GNAS: variants seen among roughly 807,000 people sequenced by gnomAD.
The protein encoded by GNAS is protein ALEX.
A neutral mutation model predicts 54.5 loss-of-function variants in GNAS; 8 were observed. The observed-to-expected ratio is 0.15, with a 90% CI of 0.09 to 0.26. The LOEUF (loss-of-function observed/expected upper bound fraction) is 0.26. GNAS is among the 10% of genes least tolerant of loss of function. The pLI is 1.00. For missense variants in GNAS, 170 were observed against 529.8 expected (o/e 0.32, Z 6.67); for synonymous variants, 204 against 191.4 (o/e 1.07, Z -0.54).
chr20:58,848,264 C>T (rs931434503), intron 1 of GNAS, among the ~76,000 whole-genome samples: 4 of 152,158 alleles, frequency 2.6e-5, no homozygotes, highest in Non-Finnish European at 5.9e-5. Flanking sequence ...CCTGTCCTCC[C>T]CTACTTGACA....
chr20:58,884,211 T>G (rs983770205), intron 1 of GNAS, among the ~76,000 whole-genome samples: 4 of 152,214 alleles, frequency 2.6e-5, no homozygotes, highest in African/African-American at 9.7e-5. Flanking sequence ...TCTGAAGATG[T>G]AAAACTTCTA....
intron 3 of GNAS, among the ~76,000 whole-genome samples, chr20:58,899,649 TCA>T (rs371284636): frequency 1.1e-3 from 141 of 133,288 alleles, no homozygotes; most frequent in African/African-American, 2.7e-3. Flanking sequence ...CCCACACCCA[TCA>T]CACACACACA....
At chr20:58,866,339 A>C (rs2087063927) in intron 1 of GNAS, among the ~76,000 whole-genome samples, 1 of 152,216 alleles carries the variant, frequency 6.6e-6, no homozygotes, top group African/African-American at 2.4e-5. Context: ...AAAGAGCATA[A>C]GATCTCTCAG....
At chr20:58,852,461 G>T (rs2086218440) in intron 1 of GNAS, among the ~76,000 whole-genome samples, 1 of 152,168 alleles carries the variant, frequency 6.6e-6, no homozygotes, top group South Asian at 2.1e-4. Context: ...CCCTTCCCAG[G>T]CACCAAAAGC....
At chr20:58,877,724 C>T (rs1213243627) in intron 1 of GNAS, among the ~76,000 whole-genome samples, 1 of 152,162 alleles carries the variant, frequency 6.6e-6, no homozygotes. Context: ...CAAGCAAGAA[C>T]GAGAGAACGG....
At chr20:58,869,434 C>T (rs542448289) in intron 1 of GNAS, among the ~76,000 whole-genome samples, 4 of 152,058 alleles carry the variant, frequency 2.6e-5, no homozygotes, top group African/African-American at 7.2e-5. Context: ...TCCCAATCAC[C>T]GGGAGAATCT....
In GNAS at chr20:58,857,551, T is replaced by A. The variant is rs58744877; in HGVS notation, c.43+16665T>A. On this transcript the variant is annotated intron_variant, in intron 1 of 12. Transcript: ENST00000306090. The surrounding 1 kb of genome is among the most constrained non-coding windows in gnomAD (Gnocchi z 4.1). Reference sequence around the variant, plus strand: ...TGACCCCTAATTGTCAAATTGGTGATGTGCCTTACATGCGGGGCCTCAGTT... The same window carrying A: ...TGACCCCTAATTGTCAAATTGGTGAAGTGCCTTACATGCGGGGCCTCAGTT... 5.0e-3 allele frequency among the ~76,000 whole-genome samples: 756 copies of A among 152,342 alleles called. 30 individuals carry two copies. In the East Asian group the frequency reaches 0.11, roughly 22 times the overall value.
At chr20:58,899,362 G>C (rs1208350663) in intron 3 of GNAS, 2 of 520,446 alleles carry the variant, frequency 3.8e-6, no homozygotes, top group East Asian at 4.6e-5. Flanking sequence ...TCTACCCACT[G>C]GTTGGTCTGA....
At chr20:58,907,507 GT>G (rs1042784772) in intron 6 of GNAS, among the ~76,000 whole-genome samples, 1 of 152,228 alleles carries the variant, frequency 6.6e-6, no homozygotes, top group Admixed American at 6.5e-5. Flanking sequence ...GATTAAGAGA[GT>G]TTAACCACCC....
chr20:58,855,404 T>TG (rs2086434594), intron 1 of GNAS: 4 of 1,315,210 alleles, frequency 3.0e-6, no homozygotes, highest in Admixed American at 2.0e-5. Context: ...CAGGGCTGCC[T>TG]GGTGGGGCTA....
At chr20:58,904,499 T>C (rs988403922) in intron 5 of GNAS, among the ~76,000 whole-genome samples, 1 of 152,348 alleles carries the variant, frequency 6.6e-6, no homozygotes, top group Admixed American at 6.5e-5. Flanking sequence ...AGCCCAAGCA[T>C]ATAAGTTTAG....
chr20:58,889,966 A>T (rs1029738022), upstream of GNAS, among the ~76,000 whole-genome samples: 2 of 151,468 alleles, frequency 1.3e-5, no homozygotes, highest in Non-Finnish European at 3.0e-5. Context: ...GTGGCTGCCG[A>T]AGCTGCGGCG....
chr20:58,854,383 T>C (rs1479694801), intron 1 of GNAS: 1 of 1,568,746 alleles, frequency 6.4e-7, no homozygotes, highest in Non-Finnish European at 8.6e-7. Context: ...GGAGGAAAAG[T>C]ACCCTCTCCG....
intron 1 of GNAS, among the ~76,000 whole-genome samples, chr20:58,871,437 A>T (rs1014192784): frequency 1.3e-5 from 2 of 152,104 alleles, no homozygotes; most frequent in African/African-American, 4.8e-5. Flanking sequence ...TAACATGGAG[A>T]AACATCATCT....
chr20:58,863,878 G>A lies in GNAS; in HGVS notation c.43+22992G>A, dbSNP rs1481650798. The A allele has an allele frequency of 2.0e-5, 3 of 152,634 alleles. No homozygotes were observed. The allele number at this position is 152,634 out of a possible 1,614,324, so 9.5% of individuals were successfully genotyped here. A position where few individuals can be genotyped will look rare whatever the true frequency, so the allele number is the denominator to read the frequency against. ...GAACCTGCATTCAGGTAAGTTTGAA[G>A]CTGTGGGATATTTGAGGGGGAAAAA... On this transcript the variant is annotated intron_variant, in intron 1 of 12. Transcript: ENST00000306090. This position sits in a 1 kb window ranked among gnomAD's most constrained non-coding sequence, Gnocchi z 4.1.
At chr20:58,860,881 G>A (rs1416719457) in intron 1 of GNAS, among the ~76,000 whole-genome samples, 1 of 152,068 alleles carries the variant, frequency 6.6e-6, no homozygotes, top group Non-Finnish European at 1.5e-5. Flanking sequence ...AGGATGGTCT[G>A]GAAATCCTGA....
intron 1 of GNAS, among the ~76,000 whole-genome samples, chr20:58,870,131 A>G (rs2087343968): frequency 6.6e-6 from 1 of 152,224 alleles, no homozygotes; most frequent in South Asian, 2.1e-4. Flanking sequence ...CCATTCATAT[A>G]CACATTCTTT....
intron 1 of GNAS, among the ~76,000 whole-genome samples, chr20:58,861,952 G>A (rs1201103258): frequency 2.0e-5 from 3 of 151,782 alleles, no homozygotes; most frequent in Admixed American, 6.6e-5. Context: ...TGATCTGCCC[G>A]CCTCAGCCAC....
chr20:58,874,655 C>A (rs1195942580), intron 1 of GNAS, among the ~76,000 whole-genome samples: 1 of 151,984 alleles, frequency 6.6e-6, no homozygotes, highest in Admixed American at 6.6e-5. Flanking sequence ...TAGCTCCTGG[C>A]CTGCCCTCCA....
Sources: allele counts gnomAD v4.1 joint callset (sites outside exome capture counted in the v4.1 genomes callset), GRCh38; gene constraint gnomAD v4.1.1; non-coding constraint Gnocchi (gnomAD v3.1); transcripts MANE v1.5; gene names NCBI Gene and HGNC (gene_info 2026-07-23, HGNC 2026-07-21).